PTPRD: variants seen among roughly 807,000 people sequenced by gnomAD.
The protein encoded by PTPRD is receptor-type tyrosine-protein phosphatase delta.
Under a neutral mutation model 214.5 loss-of-function variants are expected in PTPRD, and 34 were observed. The ratio of observed to expected loss-of-function variants is 0.16; its 90% CI spans 0.12 to 0.21. PTPRD has a LOEUF of 0.21. PTPRD is among the 10% of genes least tolerant of loss of function. The probability of loss-of-function intolerance (pLI) is 1.00; values close to 1 mark genes in which losing one functional copy is unlikely to be tolerated. For missense variants in PTPRD, 2,545 were observed against 2,398.7 expected, an observed-to-expected ratio of 1.06 and a Z score of -1.27; for synonymous variants, 1,128 against 845.7, an observed-to-expected ratio of 1.33 and a Z score of -5.79.
chr9:9,668,058 T>C lies in PTPRD; in HGVS notation c.-287+66475A>G, dbSNP rs146378644. Among the ~76,000 whole-genome samples the C allele has an allele frequency of 9.1e-4, 138 of 152,252 alleles. 1 individual carries two copies. The highest frequency in any genetic ancestry group is 3.1e-3 in the African/African-American group (130 of 41,568). ...TCAAAATCAGAGCTAAAATCATAGA[T>C]TGCCCTCATCCCACCCAAACTCAAC... On this transcript the variant is annotated intron_variant, in intron 7 of 45. Transcript: ENST00000381196.
At chr9:8,816,524 G>C (rs2096921978) in intron 11 of PTPRD, among the ~76,000 whole-genome samples, 1 of 152,160 alleles carries the variant, frequency 6.6e-6, no homozygotes. Context: ...GGTTCCTAAA[G>C]GAAATCATTC....
intron 7 of PTPRD, among the ~76,000 whole-genome samples, chr9:9,588,317 G>T (rs918149899): frequency 1.3e-5 from 2 of 151,816 alleles, no homozygotes; most frequent in Non-Finnish European, 2.9e-5. Context: ...TTTATTCATG[G>T]CAATGTTTGC....
At chr9:9,001,545 A>C (rs1314230465) in intron 11 of PTPRD, among the ~76,000 whole-genome samples, 1 of 152,004 alleles carries the variant, frequency 6.6e-6, no homozygotes, top group East Asian at 1.9e-4. Flanking sequence ...CTTTAGGTTC[A>C]ATACTTAAAG....
intron 8 of PTPRD, among the ~76,000 whole-genome samples, chr9:9,572,733 GA>G (rs1006744161): frequency 1.3e-4 from 20 of 149,734 alleles, no homozygotes; most frequent in Non-Finnish European, 2.2e-4. Context: ...AATCTAGTAA[GA>G]AAAAAAAGGC....
chr9:9,252,802 T>C (rs113281464), intron 9 of PTPRD, among the ~76,000 whole-genome samples: 5 of 152,246 alleles, frequency 3.3e-5, no homozygotes, highest in African/African-American at 1.2e-4. Context: ...CTCATGCTAA[T>C]ACGCTTCTGT....
intron 39 of PTPRD, among the ~76,000 whole-genome samples, chr9:8,370,449 G>T (rs916127128): frequency 1.3e-5 from 2 of 152,022 alleles, no homozygotes; most frequent in Non-Finnish European, 2.9e-5. Flanking sequence ...TTACCTCCCT[G>T]TGCGGAATGC....
chr9:9,017,509 C>T (rs940720833), intron 11 of PTPRD, among the ~76,000 whole-genome samples: 6 of 152,064 alleles, frequency 3.9e-5, no homozygotes, highest in Non-Finnish European at 5.9e-5. Context: ...ATATGCTTTC[C>T]GCAGAGTATA....
intron 13 of PTPRD, among the ~76,000 whole-genome samples, chr9:8,635,738 G>C (rs1479120156): frequency 1.3e-5 from 2 of 152,096 alleles, no homozygotes; most frequent in African/African-American, 4.8e-5. Context: ...AGGGAGGTGA[G>C]TTTCACAATT....
At chr9:10,323,176 T>C (rs2096582280) in intron 3 of PTPRD, among the ~76,000 whole-genome samples, 1 of 147,216 alleles carries the variant, frequency 6.8e-6, no homozygotes, top group Non-Finnish European at 1.5e-5. Flanking sequence ...CTTTCTCTCT[T>C]TCTTTTCTTT....
chr9:9,889,507 G>T (rs544523988), intron 5 of PTPRD, among the ~76,000 whole-genome samples: 66 of 152,266 alleles, frequency 4.3e-4, no homozygotes, highest in African/African-American at 1.6e-3. Flanking sequence ...AGATTCGGAT[G>T]AAGACTATTA....
chr9:10,554,473 C>G (rs192870659), intron 2 of PTPRD, among the ~76,000 whole-genome samples: 21 of 152,170 alleles, frequency 1.4e-4, no homozygotes, highest in African/African-American at 5.1e-4. Context: ...TTTAAATATT[C>G]CAGCTCAATT....
rs778346779 is a variant in PTPRD at position 8,331,622 on chromosome 9, C to G, written c.5494G>C (p.Glu1832Gln). ...DFIGQVHKTK[E>Q]QFGQDGPISV... ...ATGGGTCCATCTTGGCCAAACTGTT[C>G]TTTTGTTTTATGGACTTGGCCGATG... The change falls in exon 44 of 46, where the codon GAA (glutamate) becomes CAA (glutamine). Residue 1832 changes from glutamate to glutamine, a missense_variant. Transcript: ENST00000381196. 2.5e-6 allele frequency: 4 copies of G among 1,601,392 alleles called. No homozygotes were observed. The highest frequency in any genetic ancestry group is 3.4e-6 in the Non-Finnish European group (4 of 1,176,520).
At chr9:9,774,656 T>C (rs2098782158) in intron 5 of PTPRD, among the ~76,000 whole-genome samples, 1 of 152,202 alleles carries the variant, frequency 6.6e-6, no homozygotes, top group South Asian at 2.1e-4. Flanking sequence ...AGCTCTTTAG[T>C]TTGAAGGATC....
intron 11 of PTPRD, among the ~76,000 whole-genome samples, chr9:8,843,363 G>C (rs7042203): frequency 0.14 from 21,298 of 152,170 alleles, 1,559 homozygotes; most frequent in East Asian, 0.27. Flanking sequence ...TTTCCTGCTA[G>C]AGTCAACGAG....
intron 3 of PTPRD, among the ~76,000 whole-genome samples, chr9:10,167,387 A>T (rs1592963828): frequency 6.6e-6 from 1 of 152,172 alleles, no homozygotes; most frequent in South Asian, 2.1e-4. Context: ...TAAAGTGCAC[A>T]TTCCCTTTCA....
chr9:8,715,122 A>G lies in PTPRD; in HGVS notation c.64+18658T>C, dbSNP rs374985915. 5.3e-5 allele frequency among the ~76,000 whole-genome samples: 8 copies of G among 151,972 alleles called. No homozygotes were observed. The East Asian group carries it at 5.8e-4, about 11-fold the overall frequency. ...CTGTGAGTTAAAATGTGAATGCACA[A>G]AAGATCTATGAAAAAAAAAAATAGC... On this transcript the variant is annotated intron_variant, in intron 12 of 45. Transcript: ENST00000381196.
In PTPRD at chr9:8,484,107, C is replaced by A; in HGVS notation, c.3413+12G>T. ...ATTCTTTCCTTCAGCCCTAAGCCTTCAATCAACTTACTTTATATTCTCATT... is the reference window on the plus strand; with the variant it reads ...ATTCTTTCCTTCAGCCCTAAGCCTTAAATCAACTTACTTTATATTCTCATT... On this transcript the variant is annotated intron_variant, in intron 30 of 45. Coordinates refer to ENST00000381196, the MANE Select transcript of PTPRD (RefSeq NM_002839.4). The A allele has an allele frequency of 6.2e-7, 1 of 1,609,906 alleles. No individual in the cohort carries two copies. The highest frequency in any genetic ancestry group is 8.5e-7 in the Non-Finnish European group (1 of 1,176,702).
chr9:8,671,038 A>G (rs2097274406), intron 12 of PTPRD, among the ~76,000 whole-genome samples: 1 of 152,160 alleles, frequency 6.6e-6, no homozygotes, highest in African/African-American at 2.4e-5. Context: ...TTCACTTAAT[A>G]CTGTGGCAAT....
At chr9:9,234,647 T>C (rs1031922874) in intron 9 of PTPRD, among the ~76,000 whole-genome samples, 2 of 152,142 alleles carry the variant, frequency 1.3e-5, no homozygotes, top group Non-Finnish European at 2.9e-5. Flanking sequence ...CTAAATCAAC[T>C]CTCTCAAGTT....
Sources: allele counts gnomAD v4.1 joint callset (sites outside exome capture counted in the v4.1 genomes callset), GRCh38; gene constraint gnomAD v4.1.1; transcripts MANE v1.5; gene names NCBI Gene and HGNC (gene_info 2026-07-23, HGNC 2026-07-21).